The following RCC2 variants were observed in gnomAD, a reference collection of about 807,000 sequenced individuals.
RCC2 encodes regulator of chromosome condensation 2.
A neutral mutation model predicts 64.1 loss-of-function variants in RCC2; 19 were observed. That is an observed-to-expected ratio of 0.30 (90% CI 0.21 to 0.44). RCC2 has a LOEUF of 0.44. Ranked by LOEUF, RCC2 falls within the 20% of genes least tolerant of loss-of-function variation. The pLI is 1.00. For missense variants in RCC2, 508 were observed against 710.4 expected, an observed-to-expected ratio of 0.72 and a Z score of 3.24; for synonymous variants, 325 against 279.6, an observed-to-expected ratio of 1.16 and a Z score of -1.62.
At chr1:17,410,749 C>T (rs1450218486) in intron 11 of RCC2, among the ~76,000 whole-genome samples, 1 of 152,168 alleles carries the variant, frequency 6.6e-6, no homozygotes, top group Non-Finnish European at 1.5e-5. Context: ...CCAGGCCCCA[C>T]CTCGGGCCTT....
intron 4 of RCC2, 99 bp from the exon 5 acceptor site, chr1:17,422,935 C>A: frequency 1.4e-6 from 2 of 1,475,328 alleles, no homozygotes; most frequent in East Asian, 4.6e-5. Flanking sequence ...TGATGCCCAT[C>A]TGTCTCTGGA....
At chr1:17,412,266 G>T in intron 10 of RCC2, 72 bp from the exon 11 acceptor site, 2 of 1,426,252 alleles carry the variant, frequency 1.4e-6, no homozygotes, top group Non-Finnish European at 2.0e-6. Context: ...TGGCTCAAGG[G>T]CATGAGTGTG....
intron 7 of RCC2, among the ~76,000 whole-genome samples, chr1:17,420,070 C>G (rs1319186697): frequency 6.6e-6 from 1 of 152,212 alleles, no homozygotes; most frequent in Non-Finnish European, 1.5e-5. Flanking sequence ...CCCAGAGGGG[C>G]TGGAGTGGAG....
intron 6 of RCC2, 99 bp from the exon 7 acceptor site, chr1:17,420,927 C>T (rs922720440): frequency 2.5e-5 from 19 of 748,332 alleles, no homozygotes; most frequent in African/African-American, 1.6e-4. Context: ...AGGTTACAAA[C>T]GGAAGTTTAA....
At chr1:17,428,891 G>A (rs1196069471) in intron 3 of RCC2, among the ~76,000 whole-genome samples, 3 of 152,182 alleles carry the variant, frequency 2.0e-5, no homozygotes, top group East Asian at 1.9e-4. Context: ...TAATCTTAAC[G>A]GAATTAGTGA....
In RCC2 at chr1:17,438,335, G is replaced by A. The variant is rs1187327971; in HGVS notation, c.180C>T (p.Asp60=). 4 of 1,250,634 alleles carry A rather than the reference G, an allele frequency of 3.2e-6. No homozygotes were observed. The highest frequency in any genetic ancestry group is 4.0e-6 in the Non-Finnish European group (4 of 995,248). 77.5% of individuals were successfully genotyped at this position (1,250,634 alleles called of 1,614,324 possible). Residue 60 remains aspartate, a synonymous_variant, in exon 2 of 13, where the codon GAC becomes GAT. Transcript: ENST00000375436. ...SSGDEDGLEL[D]GAPGGGKRAA... is the part of the protein sequence containing the mutation. ...CGCGCTTGCCCCCGCCGGGGGCCCC[G>A]TCGAGCTCCAGGCCGTCCTCGTCGC...
In RCC2 at chr1:17,408,949, G is replaced by A. The variant is rs1389350859; in HGVS notation, c.*141C>T. 5 of 684,680 alleles carry A rather than the reference G, an allele frequency of 7.3e-6. No homozygotes were observed. The highest frequency in any genetic ancestry group is 1.7e-5 in the South Asian group (1 of 58,428). 42.4% of individuals were successfully genotyped at this position (684,680 alleles called of 1,614,324 possible). On this transcript the variant is annotated 3_prime_UTR_variant, in exon 13 of 13. Coordinates refer to ENST00000375436, the MANE Select transcript of RCC2 (RefSeq NM_018715.4). Reference sequence around the variant, plus strand: ...GTTAACGTTGGATCATGTGTAAAACGGAACCTCAGGGAGTCTAAACAAAAA... The same window carrying A: ...GTTAACGTTGGATCATGTGTAAAACAGAACCTCAGGGAGTCTAAACAAAAA...
At chr1:17,417,565 C>T (rs1330483478) in intron 7 of RCC2, among the ~76,000 whole-genome samples, 1 of 152,110 alleles carries the variant, frequency 6.6e-6, no homozygotes, top group African/African-American at 2.4e-5. Context: ...TGCCTATAGT[C>T]CAGCTACTTG....
chr1:17,429,347 C>CA, intron 2 of RCC2, 148 bp from the exon 3 acceptor site: 2 of 657,576 alleles, frequency 3.0e-6, no homozygotes, highest in Non-Finnish European at 5.4e-6. Context: ...AGTCTCCCCA[C>CA]ACTCCCCTCC....
rs1180382002 is a variant in RCC2, at chr1:17,407,818, A to C, written c.*1272T>G. The C allele has an allele frequency of 2.6e-5, 4 of 152,618 alleles. No homozygotes were observed. Among genetic ancestry groups the C allele is most frequent in the African/African-American group, 9.6e-5 (4 of 41,452 alleles). The allele number at this position is 152,618 out of a possible 1,614,324, so 9.5% of individuals were successfully genotyped here. A position where few individuals can be genotyped will look rare whatever the true frequency, so the allele number is the denominator to read the frequency against. ...ATAAGCACCACTGAACTAAATATCT[A>C]TTTTAAAGCACCCAAACCAGTCCAG... On this transcript the variant is annotated 3_prime_UTR_variant, in exon 13 of 13. Coordinates refer to ENST00000375436, the MANE Select transcript of RCC2 (RefSeq NM_018715.4).
At chr1:17,438,772 G>C (rs542218716) in intron 1 of RCC2, among the ~76,000 whole-genome samples, 26 of 152,122 alleles carry the variant, frequency 1.7e-4, no homozygotes, top group Non-Finnish European at 3.2e-4. Flanking sequence ...AGGGAGAATT[G>C]AGACCCCCGG....
At chr1:17,429,700 A>C (rs907158841) in intron 2 of RCC2, among the ~76,000 whole-genome samples, 4 of 152,200 alleles carry the variant, frequency 2.6e-5, no homozygotes, top group African/African-American at 9.7e-5. Context: ...AAAACAGTAG[A>C]GAACAAGGTT....
chr1:17,437,568 C>T (rs966750733), intron 2 of RCC2, among the ~76,000 whole-genome samples: 2 of 152,138 alleles, frequency 1.3e-5, no homozygotes, highest in Non-Finnish European at 2.9e-5. Flanking sequence ...GGGGCTACAA[C>T]AGAGCCCTCG....
At chr1:17,438,558 C>G in intron 1 of RCC2, 36 bp from the exon 2 acceptor site, 1 of 1,298,884 alleles carries the variant, frequency 7.7e-7, no homozygotes, top group Non-Finnish European at 9.8e-7. Context: ...GCACAATGGA[C>G]GGGTTATAAA....
intron 2 of RCC2, among the ~76,000 whole-genome samples, chr1:17,437,002 G>T (rs2075741989): frequency 6.6e-6 from 1 of 152,164 alleles, no homozygotes; most frequent in African/African-American, 2.4e-5. Flanking sequence ...TGCCTAACAT[G>T]TTAACCCTTT....
At chr1:17,415,604 G>A (rs1044863259) in intron 8 of RCC2, among the ~76,000 whole-genome samples, 1 of 151,888 alleles carries the variant, frequency 6.6e-6, no homozygotes, top group Admixed American at 6.6e-5. Flanking sequence ...CAGCTACTCA[G>A]GAGGCTGAGG....
In RCC2 at chr1:17,438,208, G is replaced by A. The variant is rs757046754; in HGVS notation, c.285+22C>T. 1.1e-4 allele frequency: 132 copies of A among 1,237,496 alleles called. 1 individual carries two copies. In the South Asian group the frequency reaches 2.7e-3, roughly 25 times the overall value. 76.7% of individuals were successfully genotyped at this position (1,237,496 alleles called of 1,614,324 possible). ...GCCGGCCCCGGCCCTGCGCCCACCC[G>A]TCTACCCTGACCCTCACTCACGACG... On this transcript the variant is annotated intron_variant, in intron 2 of 12. Coordinates refer to ENST00000375436, the MANE Select transcript of RCC2 (RefSeq NM_018715.4).
At position 17,437,508 on chromosome 1, in the gene RCC2, G is replaced by T. The variant is rs2428739; in HGVS notation, c.285+722C>A. Among the ~76,000 whole-genome samples the T allele has an allele frequency of 8.0e-4, 122 of 152,258 alleles. 2 individuals are homozygous for T. The highest frequency in any genetic ancestry group is 2.7e-3 in the African/African-American group (111 of 41,562). On this transcript the variant is annotated intron_variant, in intron 2 of 12. Coordinates refer to ENST00000375436, the MANE Select transcript of RCC2 (RefSeq NM_018715.4). ...TCAGCCACGACCTTAATTAAGATTT[G>T]AGAAAACAGAAGCCCGCCCAGGACC...
At chr1:17,411,516 G>C (rs2075424466) in intron 11 of RCC2, among the ~76,000 whole-genome samples, 1 of 151,264 alleles carries the variant, frequency 6.6e-6, no homozygotes, top group African/African-American at 2.4e-5. Flanking sequence ...CTGGGAGACA[G>C]AGGGTGCAGT....
Sources: allele counts gnomAD v4.1 joint callset (sites outside exome capture counted in the v4.1 genomes callset), GRCh38; gene constraint gnomAD v4.1.1; transcripts MANE v1.5; gene names NCBI Gene and HGNC (gene_info 2026-07-23, HGNC 2026-07-21).